The following PDE12 variants were observed in gnomAD, a reference collection of about 807,000 sequenced individuals.
The protein encoded by PDE12 is phosphodiesterase 12.
In PDE12, 26 loss-of-function variants were observed where a neutral mutation model predicts 45.4. The ratio of observed to expected loss-of-function variants is 0.57; its 90% CI spans 0.42 to 0.79. PDE12 has a LOEUF of 0.79. Among genes scored for constraint, PDE12 ranks in the 30% least tolerant of loss-of-function variants. The pLI is 0.00. For missense variants in PDE12, 668 were observed against 790.0 expected (o/e 0.85, Z 1.85); for synonymous variants, 283 against 323.9 (o/e 0.87, Z 1.36).
At chr3:57,649,470 G>C in the PDE12 span, among the ~76,000 whole-genome samples, 1 of 149,588 alleles carries the variant, frequency 6.7e-6, no homozygotes, top group African/African-American at 2.5e-5. Context: ...ACTAAAAGTA[G>C]ATCTACCATT....
Position 57,556,579 on chromosome 3 carries a change from A to T in PDE12, c.200A>T (p.Gln67Leu). ...DGSHKNMQRD[Q>L]SEPLGRVLSR... ...AGCCACAAGAACATGCAGCGCGACCAGAGCGAGCCGCTGGGTCGAGTCCTC... is the reference window on the plus strand; with the variant it reads ...AGCCACAAGAACATGCAGCGCGACCTGAGCGAGCCGCTGGGTCGAGTCCTC... The change falls in exon 1 of 3, where the codon CAG becomes CTG. Residue 67 changes from glutamine to leucine, a missense_variant. By Grantham distance (113) the Gln-to-Leu change is moderately radical. This residue lies in a region of PDE12 where 580 missense variants were observed against 662.9 expected (regional missense o/e 0.87). Transcript: ENST00000311180. The surrounding 1 kb of genome is among the most constrained non-coding windows in gnomAD (Gnocchi z 5.0). The T allele has an allele frequency of 6.2e-7, 1 of 1,613,216 alleles. No individual in the cohort carries two copies. Among genetic ancestry groups the T allele is most frequent in the Non-Finnish European group, 8.5e-7 (1 of 1,179,934 alleles).
chr3:57,656,325 T>A, the PDE12 span, among the ~76,000 whole-genome samples: 3 of 152,216 alleles, frequency 2.0e-5, no homozygotes, highest in African/African-American at 7.2e-5. Context: ...CTTTTGGAAG[T>A]CTTTCACATT....
chr3:57,594,938 G>A, the PDE12 span, among the ~76,000 whole-genome samples: 1 of 152,112 alleles, frequency 6.6e-6, no homozygotes, highest in Non-Finnish European at 1.5e-5. Context: ...CCTTTGATGA[G>A]TTACCATAAA....
chr3:57,603,092 G>A, the PDE12 span, among the ~76,000 whole-genome samples: 12 of 151,754 alleles, frequency 7.9e-5, no homozygotes, highest in South Asian at 2.1e-4. Flanking sequence ...GCTTGAACCC[G>A]GGAGGCGGAG....
chr3:57,645,825 A>G, the PDE12 span: 15 of 1,142,336 alleles, frequency 1.3e-5, no homozygotes, highest in East Asian at 2.4e-5. Context: ...TAACTAGAAA[A>G]CATCTATACA....
At chr3:57,559,429 A>C (rs764165904) in intron 2 of PDE12, 41 bp downstream of exon 2, 3 of 1,543,670 alleles carry the variant, frequency 1.9e-6, no homozygotes, top group Non-Finnish European at 2.6e-6. Flanking sequence ...AAACACGCTT[A>C]AAGTTGTTTA....
intron 1 of PDE12, 114 bp from the exon 2 acceptor site, chr3:57,559,196 G>A (rs57375057): frequency 0.17 from 141,287 of 812,532 alleles, 16,599 homozygotes; most frequent in African/African-American, 0.48. Context: ...ACTCCAGCCT[G>A]GTTGACAGAG....
chr3:57,580,739 A>G, the PDE12 span, among the ~76,000 whole-genome samples: 2 of 151,050 alleles, frequency 1.3e-5, no homozygotes, highest in Non-Finnish European at 3.0e-5. Flanking sequence ...AAAGGGACCT[A>G]ATTTTATTTT....
At chr3:57,612,393 TAAAA>T in the PDE12 span, among the ~76,000 whole-genome samples, 1 of 151,478 alleles carries the variant, frequency 6.6e-6, no homozygotes, top group Non-Finnish European at 1.5e-5. Flanking sequence ...AGTATAATAA[TAAAA>T]AAAGATGTAT....
the PDE12 span, among the ~76,000 whole-genome samples, chr3:57,624,205 C>T: frequency 6.6e-6 from 1 of 151,374 alleles, no homozygotes; most frequent in African/African-American, 2.4e-5. Flanking sequence ...GGCTGGAGTG[C>T]AGTGGGGCGA....
chr3:57,627,030 G>A, the PDE12 span: 1 of 151,272 alleles, frequency 6.6e-6, no homozygotes, highest in East Asian at 1.9e-4. Flanking sequence ...TTTGAAATAA[G>A]AATAGTTCAG....
At chr3:57,655,508 C>A in the PDE12 span, among the ~76,000 whole-genome samples, 1 of 152,126 alleles carries the variant, frequency 6.6e-6, no homozygotes, top group Non-Finnish European at 1.5e-5. Flanking sequence ...TTCCCAAATC[C>A]AAAAGGTTTT....
the PDE12 span, among the ~76,000 whole-genome samples, chr3:57,615,389 A>G: frequency 6.6e-6 from 1 of 152,192 alleles, no homozygotes; most frequent in Non-Finnish European, 1.5e-5. Context: ...AGTTTATAGC[A>G]CTAAAAGCTT....
chr3:57,646,357 T>C, the PDE12 span: 15 of 1,613,912 alleles, frequency 9.3e-6, no homozygotes, highest in Non-Finnish European at 1.3e-5. Context: ...CCGATGGTGA[T>C]GGCGCCATAA....
the PDE12 span, among the ~76,000 whole-genome samples, chr3:57,592,217 G>A: frequency 3.0e-3 from 463 of 152,220 alleles, 1 homozygote; most frequent in African/African-American, 7.4e-3. Flanking sequence ...GGCCAGGCAC[G>A]GTGACTCATG....
At chr3:57,606,830 A>G in the PDE12 span, among the ~76,000 whole-genome samples, 5 of 152,120 alleles carry the variant, frequency 3.3e-5, no homozygotes, top group Non-Finnish European at 7.3e-5. Context: ...TCCAGTCTAC[A>G]GCTCCCAGTG....
At chr3:57,584,274 T>G in the PDE12 span, 1 of 1,091,834 alleles carries the variant, frequency 9.2e-7, no homozygotes, top group East Asian at 2.4e-5. Flanking sequence ...GTTTTAAAAG[T>G]ACTTCTAAGA....
the PDE12 span, among the ~76,000 whole-genome samples, chr3:57,586,189 T>C: frequency 6.6e-6 from 1 of 152,238 alleles, no homozygotes; most frequent in African/African-American, 2.4e-5. Context: ...TCATTGAATC[T>C]ATCATTGTTC....
chr3:57,575,729 A>G, the PDE12 span: 12 of 1,534,940 alleles, frequency 7.8e-6, no homozygotes, highest in African/African-American at 1.1e-4. Flanking sequence ...ATTTTTGAAA[A>G]TGTCTTCCTA....
Sources: allele counts gnomAD v4.1 joint callset (sites outside exome capture counted in the v4.1 genomes callset), GRCh38; gene constraint gnomAD v4.1.1; regional missense constraint gnomAD v4.1.1; non-coding constraint Gnocchi (gnomAD v3.1); transcripts MANE v1.5; gene names NCBI Gene and HGNC (gene_info 2026-07-23, HGNC 2026-07-21).